IAPP: variants seen among roughly 807,000 people sequenced by gnomAD.
The protein encoded by IAPP is islet amyloid polypeptide, also known as Islet amyloid polypeptide (diabetes-associated peptide; amylin).
In IAPP, 4 loss-of-function variants were observed where a neutral mutation model predicts 2.9. That is an observed-to-expected ratio of 1.39 (90% CI 0.69 to 3.19). The LOEUF is 3.19. IAPP is among the 30% of genes most tolerant of loss of function. The probability of loss-of-function intolerance (pLI) is 0.01; values close to 1 mark genes in which losing one functional copy is unlikely to be tolerated. For missense variants in IAPP, 114 were observed against 105.3 expected, an observed-to-expected ratio of 1.08 and a Z score of -0.36; for synonymous variants, 40 against 42.1, an observed-to-expected ratio of 0.95 and a Z score of 0.19.
At chr12:21,365,792 GA>G (rs1412538395) in intron 1 of IAPP, among the ~76,000 whole-genome samples, 1 of 152,202 alleles carries the variant, frequency 6.6e-6, no homozygotes, top group Non-Finnish European at 1.5e-5. Context: ...ACAGACACAT[GA>G]AAAAATGCTC....
At chr12:21,358,201 T>C (rs1480097369) in intron 1 of IAPP, among the ~76,000 whole-genome samples, 1 of 152,218 alleles carries the variant, frequency 6.6e-6, no homozygotes. Flanking sequence ...CTCTAGATTG[T>C]TCTCTGGCAA....
At chr12:21,375,932 T>C (rs1264513830) in intron 2 of IAPP, among the ~76,000 whole-genome samples, 2 of 152,124 alleles carry the variant, frequency 1.3e-5, no homozygotes, top group Admixed American at 1.3e-4. Flanking sequence ...ACCAGGGAGG[T>C]AATGCCTTTT....
rs1015061107 is a variant in IAPP, at chr12:21,373,286, A to C, written c.-15-51A>C. ...TAAGCTCTAATTTAAAATTACATCA[A>C]TTAGAACTGTAAGAAATCTCTTGAT... On this transcript the variant is annotated intron_variant, in intron 1 of 2. Transcript: ENST00000240652. The C allele has an allele frequency of 2.7e-6, 3 of 1,096,972 alleles. 1 individual carries two copies. In the South Asian group the frequency reaches 3.7e-5, roughly 14 times the overall value. 68.0% of individuals were successfully genotyped at this position (1,096,972 alleles called of 1,614,324 possible). A position where few individuals can be genotyped will look rare whatever the true frequency, so the allele number is the denominator to read the frequency against.
At chr12:21,369,042 G>C (rs1011531338), upstream of IAPP, among the ~76,000 whole-genome samples, 4 of 151,898 alleles carry the variant, frequency 2.6e-5, no homozygotes, top group East Asian at 5.8e-4. Context: ...TTTATGGGTG[G>C]GCAGAATTAA....
chr12:21,359,443 C>A (rs574047748), intron 1 of IAPP, among the ~76,000 whole-genome samples: 1 of 152,138 alleles, frequency 6.6e-6, no homozygotes, highest in Admixed American at 6.5e-5. Context: ...CTAAAAGAAC[C>A]ACAAATACTG....
chr12:21,357,386 A>G (rs1458387158), intron 1 of IAPP, among the ~76,000 whole-genome samples: 2 of 152,208 alleles, frequency 1.3e-5, no homozygotes, highest in Non-Finnish European at 2.9e-5. Flanking sequence ...GCAAACTACC[A>G]GAAGCTAGAA....
At chr12:21,356,238 C>G (rs891656684) in intron 1 of IAPP, among the ~76,000 whole-genome samples, 2 of 151,656 alleles carry the variant, frequency 1.3e-5, no homozygotes, top group African/African-American at 4.8e-5. Flanking sequence ...ATATATAATT[C>G]TTGAATAAAG....
At chr12:21,363,128 G>A (rs946361425) in intron 1 of IAPP, among the ~76,000 whole-genome samples, 20 of 152,008 alleles carry the variant, frequency 1.3e-4, no homozygotes, top group Non-Finnish European at 2.6e-4. Context: ...ATTCCAAAAT[G>A]GACCACATAG....
At chr12:21,361,315 T>C (rs977072019) in intron 1 of IAPP, among the ~76,000 whole-genome samples, 6 of 152,194 alleles carry the variant, frequency 3.9e-5, no homozygotes, top group African/African-American at 1.4e-4. Flanking sequence ...AGACCTGCAG[T>C]TGAGGGTCCT....
chr12:21,365,089 T>G (rs1382621335), intron 1 of IAPP, among the ~76,000 whole-genome samples: 1 of 152,042 alleles, frequency 6.6e-6, no homozygotes, highest in Non-Finnish European at 1.5e-5. Flanking sequence ...TCATTGCCAA[T>G]ACGATCCTAA....
chr12:21,373,492 T>A, intron 2 of IAPP, 61 bp downstream of exon 2: 1 of 1,102,072 alleles, frequency 9.1e-7, no homozygotes, highest in Non-Finnish European at 1.4e-6. Context: ...AAATTAGAAT[T>A]AAATACTGTC....
chr12:21,364,295 A>C (rs1269091614), intron 1 of IAPP, among the ~76,000 whole-genome samples: 2 of 152,218 alleles, frequency 1.3e-5, no homozygotes, highest in Non-Finnish European at 2.9e-5. Flanking sequence ...AAAGACAAAA[A>C]CCACATGATT....
In IAPP at chr12:21,379,552, T is replaced by A. The variant is rs549530954; in HGVS notation, c.*1126T>A. ...AGACATTTCTGGCAGAGGTTATGTA[T>A]ATGATACACTTTTTTTGATAGCAGC... On this transcript the variant is annotated 3_prime_UTR_variant, in exon 3 of 3. Transcript: ENST00000240652. 6.6e-6 allele frequency: 1 copy of A among 152,248 alleles called. No individual in the cohort carries two copies. Among genetic ancestry groups the A allele is most frequent in the Non-Finnish European group, 1.5e-5 (1 of 68,044 alleles). 9.4% of individuals were successfully genotyped at this position (152,248 alleles called of 1,614,324 possible). A position where few individuals can be genotyped will look rare whatever the true frequency, so the allele number is the denominator to read the frequency against.
At chr12:21,362,315 G>A (rs73069081) in intron 1 of IAPP, among the ~76,000 whole-genome samples, 21,318 of 152,034 alleles carry the variant, frequency 0.14, 1,613 homozygotes, top group Middle Eastern at 0.21. Context: ...CATACGTGAT[G>A]GAGAAATAAA....
At chr12:21,362,587 T>G (rs185037218) in intron 1 of IAPP, among the ~76,000 whole-genome samples, 1 of 152,304 alleles carries the variant, frequency 6.6e-6, no homozygotes, top group Admixed American at 6.5e-5. Flanking sequence ...ATGCTCCAAT[T>G]AGAAGACACA....
intron 1 of IAPP, among the ~76,000 whole-genome samples, chr12:21,356,249 T>G (rs1311191655): frequency 6.6e-6 from 1 of 151,948 alleles, no homozygotes; most frequent in African/African-American, 2.4e-5. Flanking sequence ...TTGAATAAAG[T>G]CTGGTAATAT....
chr12:21,371,731 G>A (rs934846968), upstream of IAPP, among the ~76,000 whole-genome samples: 35 of 152,106 alleles, frequency 2.3e-4, no homozygotes, highest in Non-Finnish European at 2.8e-4. Context: ...GGATGGGTGC[G>A]GTGGCTGACG....
upstream of IAPP, among the ~76,000 whole-genome samples, chr12:21,368,470 A>T (rs1005644191): frequency 1.1e-4 from 16 of 148,776 alleles, no homozygotes; most frequent in Non-Finnish European, 2.1e-4. Context: ...AACCAGTTAA[A>T]TTTTTTTTTT....
chr12:21,373,813 G>A, intron 2 of IAPP: 2 of 616,664 alleles, frequency 3.2e-6, no homozygotes, highest in Admixed American at 2.7e-5. Context: ...TATACCAAGT[G>A]GATTCTTTTT....
Sources: gnomAD v4.1 joint callset for allele counts (sites outside exome capture counted in the v4.1 genomes callset) on GRCh38, gnomAD v4.1.1 for gene constraint, MANE v1.5 for transcripts, NCBI Gene and HGNC (gene_info 2026-07-23, HGNC 2026-07-21) for gene names.